TSBP1: variants seen among roughly 807,000 people sequenced by gnomAD.
TSBP1 encodes testis-expressed basic protein 1.
TSBP1 carries 56 observed loss-of-function variants against 68.8 expected under a neutral mutation model. The ratio of observed to expected loss-of-function variants is 0.81; its 90% CI spans 0.66 to 1.02. The LOEUF (loss-of-function observed/expected upper bound fraction) is 1.02, where lower values mean the gene tolerates loss of function less well. Among genes scored for constraint, TSBP1 ranks in the 50% least tolerant of loss-of-function variants. The probability of loss-of-function intolerance (pLI) is 0.00; values close to 1 mark genes in which losing one functional copy is unlikely to be tolerated. For missense variants in TSBP1, 502 were observed against 641.2 expected (o/e 0.78, Z 2.34); for synonymous variants, 171 against 208.7 (o/e 0.82, Z 1.56).
intron 19 of TSBP1, among the ~76,000 whole-genome samples, chr6:32,303,521 G>A (rs1765509327): frequency 2.6e-5 from 4 of 151,656 alleles, no homozygotes; most frequent in Admixed American, 2.6e-4. Flanking sequence ...AATGTTTCAT[G>A]GCATATATTT....
chr6:32,353,084 A>G (rs1446027021), intron 8 of TSBP1: 5 of 151,964 alleles, frequency 3.3e-5, no homozygotes, highest in Admixed American at 1.3e-4. Context: ...AAGAGAAGGA[A>G]TTTTACCCAT....
intron 9 of TSBP1, among the ~76,000 whole-genome samples, chr6:32,348,683 C>T (rs1771343760): frequency 6.6e-6 from 1 of 152,102 alleles, no homozygotes; most frequent in Non-Finnish European, 1.5e-5. Flanking sequence ...TGTTTAGAAC[C>T]TCAGTTTTAC....
intron 9 of TSBP1, among the ~76,000 whole-genome samples, chr6:32,341,273 T>C (rs1770318184): frequency 6.6e-6 from 1 of 152,220 alleles, no homozygotes; most frequent in Non-Finnish European, 1.5e-5. Flanking sequence ...TTAAGGACAT[T>C]GTCTCTGTGG....
chr6:32,307,947 G>A (rs1321251448), intron 19 of TSBP1, among the ~76,000 whole-genome samples: 2 of 151,736 alleles, frequency 1.3e-5, no homozygotes, highest in African/African-American at 4.8e-5. Context: ...GGCTAATTTT[G>A]TATTTTTAGT....
At chr6:32,301,028 AT>A (rs1386733650) in intron 20 of TSBP1, among the ~76,000 whole-genome samples, 12 of 151,562 alleles carry the variant, frequency 7.9e-5, no homozygotes, top group South Asian at 6.3e-4. Flanking sequence ...ATTGATACGA[AT>A]TTTTTTTTAA....
Position 32,336,588 on chromosome 6 carries a change from G to A in TSBP1, c.430+27C>T. On this transcript the variant is annotated intron_variant, in intron 12 of 22. Transcript: ENST00000612031. This position sits in a 1 kb window ranked among gnomAD's most constrained non-coding sequence, Gnocchi z 5.2. ...TGTAGGTCAGATATCAAAGGGACCA[G>A]AGTGGAAAAACAAACTTGATACTTA... 1.9e-6 allele frequency: 3 copies of A among 1,600,846 alleles called. No individual in the cohort carries two copies. The South Asian group carries it at 3.3e-5, about 18-fold the overall frequency.
intron 16 of TSBP1, among the ~76,000 whole-genome samples, chr6:32,329,361 G>A (rs995668233): frequency 6.6e-6 from 1 of 152,168 alleles, no homozygotes; most frequent in Middle Eastern, 3.2e-3. Context: ...TCTGAGGTGA[G>A]CTGGCTTATG....
chr6:32,367,858 T>C lies in TSBP1; in HGVS notation c.166+67A>G, dbSNP rs146594464. 4.5e-4 allele frequency: 528 copies of C among 1,176,520 alleles called. 1 individual carries two copies. The African/African-American group carries it at 6.4e-3, about 14-fold the overall frequency. The allele number at this position is 1,176,520 out of a possible 1,614,324, so 72.9% of individuals were successfully genotyped here. On this transcript the variant is annotated intron_variant, in intron 4 of 22. Transcript: ENST00000612031. The stretch of plus-strand genomic sequence containing the variant: ...TCAACAAATCATGCTCAAATGGAGA[T>C]GAGTTGATTCACACTCTAAAGAGTA...
rs953565471 is a variant in TSBP1 at position 32,338,406 on chromosome 6, AT to A, written c.409+572del. ...ATAAAAGTCATTGTTTCCATTTACC[AT>A]TTTTTTTCCTTTTTAAATCAACTTC... On this transcript the variant is annotated intron_variant, in intron 11 of 22. Transcript: ENST00000612031. This position sits in a 1 kb window ranked among gnomAD's most constrained non-coding sequence, Gnocchi z 5.5. Among the ~76,000 whole-genome samples, 3 of 150,990 alleles carry A rather than the reference AT, an allele frequency of 2.0e-5. No individual in the cohort carries two copies. Among genetic ancestry groups the A allele is most frequent in the African/African-American group, 4.9e-5 (2 of 41,050 alleles).
At chr6:32,293,473 C>T (rs1419209921) in exon 23 of TSBP1, 1 of 1,612,006 alleles carries the variant, frequency 6.2e-7, no homozygotes, top group Non-Finnish European at 8.5e-7. Context: ...CTGACTCCCT[C>T]TTCTTTACCT....
chr6:32,336,561 C>A lies in TSBP1; in HGVS notation c.430+54G>T, dbSNP rs1046502197. 9 of 1,498,136 alleles carry A rather than the reference C, an allele frequency of 6.0e-6. No individual in the cohort carries two copies. In the African/African-American group the frequency reaches 1.1e-4, roughly 18 times the overall value. The allele number at this position is 1,498,136 out of a possible 1,614,324, so 92.8% of individuals were successfully genotyped here. On this transcript the variant is annotated intron_variant, in intron 12 of 22. Transcript: ENST00000612031. The surrounding 1 kb of genome is among the most constrained non-coding windows in gnomAD (Gnocchi z 5.2). ...TGCAGGGCAGATCAGGCCCCAAGAC[C>A]TTGTAGGTCAGATATCAAAGGGACC...
intron 9 of TSBP1, among the ~76,000 whole-genome samples, chr6:32,348,592 C>T (rs1443507214): frequency 1.3e-5 from 2 of 150,622 alleles, no homozygotes; most frequent in South Asian, 2.1e-4. Flanking sequence ...CCAAAGAATA[C>T]TTTGGATTGG....
chr6:32,360,618 C>A (rs1234850033), intron 6 of TSBP1, among the ~76,000 whole-genome samples: 2 of 152,160 alleles, frequency 1.3e-5, no homozygotes, highest in Non-Finnish European at 2.9e-5. Flanking sequence ...ATTGGAGGAA[C>A]CACAATACTG....
chr6:32,366,786 A>AAAAAAC (rs1773796117), intron 4 of TSBP1, among the ~76,000 whole-genome samples: 1 of 144,000 alleles, frequency 6.9e-6, no homozygotes, highest in Non-Finnish European at 1.5e-5. Flanking sequence ...AAAAAAAAAA[A>AAAAAAC]GTTTATCATT....
intron 15 of TSBP1, 26 bp from the exon 17 acceptor site, chr6:32,330,635 AACACACACACACACACACACAC>A: frequency 3.5e-6 from 4 of 1,133,690 alleles, no homozygotes; most frequent in Non-Finnish European, 5.0e-6. Flanking sequence ...AAACAAATTA[AACACACACACACACACACACAC>A]ACACACACAC....
chr6:32,332,129 G>T, intron 14 of TSBP1, 75 bp from the exon 16 acceptor site: 1 of 1,143,642 alleles, frequency 8.7e-7, no homozygotes, highest in Non-Finnish European at 1.3e-6. Context: ...TATCCTAGAA[G>T]TGAGGCTTTG....
chr6:32,331,990 G>C lies in TSBP1; in HGVS notation c.493+44C>G, dbSNP rs752556246. The C allele has an allele frequency of 2.8e-6, 4 of 1,454,488 alleles. No homozygotes were observed. The African/African-American group carries it at 5.6e-5, about 20-fold the overall frequency. The allele number at this position is 1,454,488 out of a possible 1,614,324, so 90.1% of individuals were successfully genotyped here. A position where few individuals can be genotyped will look rare whatever the true frequency, so the allele number is the denominator to read the frequency against. On this transcript the variant is annotated intron_variant, in intron 15 of 22. Coordinates refer to ENST00000612031, the Ensembl canonical transcript of TSBP1. ...TTGGAGCCAGTCTCCTTCAGACATA[G>C]TAAGAAGCCAGTAGAGATAAGTTGA...
rs1583020349 is a variant in TSBP1 at position 32,316,076 on chromosome 6, C to T, written c.560-284G>A. ...TGGGTATAGTCTCGGGTAGAGACTGCCATATCTTTCTGTTTCCTTTGAATA... is the reference window on the plus strand; with the variant it reads ...TGGGTATAGTCTCGGGTAGAGACTGTCATATCTTTCTGTTTCCTTTGAATA... On this transcript the variant is annotated intron_variant, in intron 18 of 22. Transcript: ENST00000612031. The surrounding 1 kb of genome is among the most constrained non-coding windows in gnomAD (Gnocchi z 4.5). Among the ~76,000 whole-genome samples, 1 of 152,112 alleles carries T rather than the reference C, an allele frequency of 6.6e-6. No homozygotes were observed. Among genetic ancestry groups the T allele is most frequent in the East Asian group, 1.9e-4 (1 of 5,192 alleles).
exon 1 of TSBP1, chr6:32,371,763 A>G (rs1774450688): frequency 6.2e-7 from 1 of 1,611,516 alleles, no homozygotes; most frequent in Non-Finnish European, 8.5e-7. Context: ...TGTCAGAGAG[A>G]GATCAAGGTA....
Sources: allele counts gnomAD v4.1 joint callset (sites outside exome capture counted in the v4.1 genomes callset), GRCh38; gene constraint gnomAD v4.1.1; non-coding constraint Gnocchi (gnomAD v3.1); transcripts MANE v1.5; gene names NCBI Gene and HGNC (gene_info 2026-07-23, HGNC 2026-07-21).